The following CA13 variants were observed in gnomAD, a reference collection of about 807,000 sequenced individuals.
CA13 encodes the protein CA-XIII.
Under a neutral mutation model 31.5 loss-of-function variants are expected in CA13, and 21 were observed. That is an observed-to-expected ratio of 0.67 (90% CI 0.47 to 0.96). The LOEUF (loss-of-function observed/expected upper bound fraction) is 0.96, where lower values mean the gene tolerates loss of function less well. Among genes scored for constraint, CA13 ranks in the 40% least tolerant of loss-of-function variants. The pLI is 0.00. For synonymous variants in CA13, 117 were observed against 111.4 expected (o/e 1.05, Z -0.32); for missense variants, 315 against 318.9 (o/e 0.99, Z 0.09).
chr8:85,250,589 A>G, intron 1 of CA13, 151 bp from the exon 2 acceptor site: 1 of 564,142 alleles, frequency 1.8e-6, no homozygotes, highest in Non-Finnish European at 3.1e-6. Context: ...GTAAAAAAAA[A>G]CAATTAGATG....
chr8:85,251,002 T>C, intron 2 of CA13, 65 bp downstream of exon 2: 1 of 19,848 alleles, frequency 5.0e-5, no homozygotes. Flanking sequence ...GACTATACTC[T>C]TTTTTTTTTT....
At chr8:85,271,902 C>T (rs1406546107) in intron 6 of CA13, among the ~76,000 whole-genome samples, 3 of 152,030 alleles carry the variant, frequency 2.0e-5, no homozygotes, top group African/African-American at 7.2e-5. Context: ...AACCCCATCT[C>T]TACTAAAAAT....
chr8:85,275,580 G>T lies in CA13; in HGVS notation c.670-5650G>T, dbSNP rs75514483. 2.0e-5 allele frequency among the ~76,000 whole-genome samples: 3 copies of T among 152,126 alleles called. No homozygotes were observed. The East Asian group carries it at 5.8e-4, about 29-fold the overall frequency. ...TTGTATAAAGGGATGGAAATGCCACGGGTGATTTTGGAGGGGAGTTGTTGG... is the reference window on the plus strand; with the variant it reads ...TTGTATAAAGGGATGGAAATGCCACTGGTGATTTTGGAGGGGAGTTGTTGG... On this transcript the variant is annotated intron_variant, in intron 6 of 6. Coordinates refer to ENST00000321764, the MANE Select transcript of CA13 (RefSeq NM_198584.3).
Position 85,250,840 on chromosome 8 carries a change from A to G in CA13, c.138A>G (p.Arg46=). 1 of 1,613,966 alleles carries G rather than the reference A, an allele frequency of 6.2e-7. No individual in the cohort carries two copies. Among genetic ancestry groups the G allele is most frequent in the Non-Finnish European group, 8.5e-7 (1 of 1,179,908 alleles). ...AAGTGAAATATGACTCTTCCCTCCG[A>G]CCACTTAGTATCAAGTATGACCCAA... is the stretch of plus-strand genomic sequence containing the variant. ...TKEVKYDSSL[R]PLSIKYDPSS... The change falls in exon 2 of 7, where the codon CGA becomes CGG. Residue 46 remains arginine (R), a synonymous_variant. Transcript: ENST00000321764.
At chr8:85,253,626 C>T (rs892355490) in intron 2 of CA13, among the ~76,000 whole-genome samples, 6 of 152,080 alleles carry the variant, frequency 3.9e-5, no homozygotes, top group South Asian at 2.1e-4. Flanking sequence ...TTCAACTTTT[C>T]GGAGGAAATG....
intron 1 of CA13, among the ~76,000 whole-genome samples, chr8:85,247,757 G>A (rs1362881417): frequency 1.3e-5 from 2 of 152,056 alleles, no homozygotes. Context: ...TTTTAGTAGA[G>A]ACAAGGTTTC....
intron 2 of CA13, among the ~76,000 whole-genome samples, chr8:85,257,160 C>T (rs1414414710): frequency 6.6e-6 from 1 of 152,198 alleles, no homozygotes; most frequent in Non-Finnish European, 1.5e-5. Context: ...AGCATCCCTA[C>T]AAACTAAAGT....
chr8:85,280,546 A>C (rs926374801), intron 6 of CA13, among the ~76,000 whole-genome samples: 1 of 152,240 alleles, frequency 6.6e-6, no homozygotes. Flanking sequence ...GTAGGTTCTC[A>C]TTCCTAATAA....
intron 3 of CA13, 127 bp downstream of exon 3, chr8:85,259,666 T>A: frequency 1.4e-6 from 1 of 708,270 alleles, no homozygotes; most frequent in Non-Finnish European, 2.4e-6. Flanking sequence ...CTGAAACTGC[T>A]TTATTCATTC....
intron 2 of CA13, among the ~76,000 whole-genome samples, chr8:85,251,170 T>A (rs1813821785): frequency 6.6e-6 from 1 of 151,990 alleles, no homozygotes; most frequent in South Asian, 2.1e-4. Context: ...CCCAGCTACT[T>A]TTTTTGTATT....
rs1807739035 is a variant in CA13, at chr8:85,283,562, T to C, written c.*2213T>C. ...AGTTTCTTTTTAAAGGAATACTAAT[T>C]AATTGTAACTTGTAAAACCAAAAGT... is the stretch of plus-strand genomic sequence containing the variant. On this transcript the variant is annotated 3_prime_UTR_variant, in exon 7 of 7. Transcript: ENST00000321764. The C allele has an allele frequency of 6.5e-6, 1 of 152,772 alleles. No individual in the cohort carries two copies. Among genetic ancestry groups the C allele is most frequent in the East Asian group, 1.9e-4 (1 of 5,192 alleles). The allele number at this position is 152,772 out of a possible 1,614,324, so 9.5% of individuals were successfully genotyped here.
chr8:85,245,892 G>T, intron 1 of CA13, 27 bp downstream of exon 1: 1 of 1,614,062 alleles, frequency 6.2e-7, no homozygotes, highest in South Asian at 1.1e-5. Context: ...GATCCAAGGG[G>T]GGGTTTGTGC....
chr8:85,259,551 G>C lies in CA13; in HGVS notation c.354+12G>C. On this transcript the variant is annotated intron_variant, in intron 3 of 6. Coordinates refer to ENST00000321764, the MANE Select transcript of CA13 (RefSeq NM_198584.3). ...GCTATGCTGCAGAGGTAAGCCATAA[G>C]ACATATCTGTGATTCACAGTTTTCC... The C allele has an allele frequency of 1.2e-6, 2 of 1,603,920 alleles. No homozygotes were observed. Among genetic ancestry groups the C allele is most frequent in the Non-Finnish European group, 1.7e-6 (2 of 1,170,870 alleles).
At position 85,266,667 on chromosome 8, in the gene CA13, A is replaced by G. The variant is rs765819761; in HGVS notation, c.414A>G (p.Glu138=). The change falls in exon 4 of 7, where the codon GAA becomes GAG. Residue 138 remains glutamate (E), a synonymous_variant. Transcript: ENST00000321764. ...KYPSFVEAAH[E]PDGLAVLGVF... ...CCAGCTTTGTTGAGGCAGCTCATGAACCAGATGGACTGGCTGTCTTGGGAG... is the reference window on the plus strand; with the variant it reads ...CCAGCTTTGTTGAGGCAGCTCATGAGCCAGATGGACTGGCTGTCTTGGGAG... The G allele has an allele frequency of 3.7e-6, 6 of 1,613,846 alleles. No homozygotes were observed. The highest frequency in any genetic ancestry group is 3.3e-5 in the Admixed American group (2 of 59,992).
chr8:85,252,290 G>T (rs1807205054), intron 2 of CA13, among the ~76,000 whole-genome samples: 1 of 151,936 alleles, frequency 6.6e-6, no homozygotes, highest in African/African-American at 2.4e-5. Context: ...AATTTTAAAA[G>T]TTGAATTGTA....
At chr8:85,254,406 C>T (rs1260006243) in intron 2 of CA13, among the ~76,000 whole-genome samples, 1 of 151,996 alleles carries the variant, frequency 6.6e-6, no homozygotes, top group African/African-American at 2.4e-5. Context: ...ATTTTCTACT[C>T]TAATTTGCTC....
intron 6 of CA13, among the ~76,000 whole-genome samples, chr8:85,273,613 GAC>G (rs1441890412): frequency 1.3e-5 from 2 of 151,964 alleles, no homozygotes; most frequent in African/African-American, 2.4e-5. Flanking sequence ...CTGGCCAGAA[GAC>G]ACATACCCCC....
intron 6 of CA13, among the ~76,000 whole-genome samples, chr8:85,273,079 A>C (rs1340121430): frequency 6.6e-6 from 1 of 152,228 alleles, no homozygotes; most frequent in South Asian, 2.1e-4. Flanking sequence ...TGGCCTCCCA[A>C]AATCCTGGGA....
At chr8:85,251,322 G>A (rs982137812) in intron 2 of CA13, among the ~76,000 whole-genome samples, 1 of 152,010 alleles carries the variant, frequency 6.6e-6, no homozygotes, top group Non-Finnish European at 1.5e-5. Context: ...AATCTTTCAT[G>A]TTTTGTTTTT....
Sources: gnomAD v4.1 joint callset for allele counts (sites outside exome capture counted in the v4.1 genomes callset) on GRCh38, gnomAD v4.1.1 for gene constraint, MANE v1.5 for transcripts, NCBI Gene and HGNC (gene_info 2026-07-23, HGNC 2026-07-21) for gene names.